DACH2: variants seen among roughly 807,000 people sequenced by gnomAD.
The protein encoded by DACH2 is dachshund family transcription factor 2.
In DACH2, 17 loss-of-function variants were observed where a neutral mutation model predicts 35.8. The ratio of observed to expected loss-of-function variants is 0.48; its 90% CI spans 0.33 to 0.71. The LOEUF is 0.71. Among genes scored for constraint, DACH2 ranks in the 30% least tolerant of loss-of-function variants. DACH2 has a pLI of 0.02. For synonymous variants in DACH2, 195 were observed against 177.3 expected (o/e 1.10, Z -0.79); for missense variants, 469 against 472.7 (o/e 0.99, Z 0.07).
intron 2 of DACH2, among the ~76,000 whole-genome samples, chrX:86,499,975 A>G (rs1295057895): frequency 1.8e-5 from 2 of 111,335 alleles, no homozygotes; most frequent in East Asian, 2.9e-4. Flanking sequence ...TGAGGTCCTC[A>G]ATGTGAAGTT....
intron 3 of DACH2, among the ~76,000 whole-genome samples, chrX:86,608,689 T>G (rs2039892106): frequency 8.9e-6 from 1 of 111,993 alleles, no homozygotes; most frequent in South Asian, 3.7e-4. Context: ...TTCTCCTTCA[T>G]GTTTAAAGAA....
intron 7 of DACH2, among the ~76,000 whole-genome samples, chrX:86,801,244 G>T (rs754349885): frequency 1.5e-4 from 16 of 108,198 alleles, no homozygotes; most frequent in African/African-American, 4.4e-4. Context: ...TGAAGAGGTG[G>T]AGTCCCACTA....
At chrX:86,238,401 A>G (rs1240218345) in intron 1 of DACH2, among the ~76,000 whole-genome samples, 1 of 112,264 alleles carries the variant, frequency 8.9e-6, no homozygotes, top group Non-Finnish European at 1.9e-5. Flanking sequence ...ATAGCACTAG[A>G]CACATGTGAT....
At chrX:86,641,277 T>G (rs2040344036) in intron 3 of DACH2, among the ~76,000 whole-genome samples, 1 of 111,954 alleles carries the variant, frequency 8.9e-6, no homozygotes, top group Middle Eastern at 4.2e-3. Flanking sequence ...CAGGCAGAGC[T>G]GAATAACACA....
At chrX:86,529,948 C>CAT (rs1261274287) in intron 3 of DACH2, among the ~76,000 whole-genome samples, 1 of 34,834 alleles carries the variant, frequency 2.9e-5, no homozygotes, top group African/African-American at 9.3e-5. Flanking sequence ...ATTGTACATA[C>CAT]ACACACACAC....
At chrX:86,679,289 C>T (rs1485335687) in intron 4 of DACH2, among the ~76,000 whole-genome samples, 2 of 111,032 alleles carry the variant, frequency 1.8e-5, no homozygotes, top group Admixed American at 9.6e-5. Context: ...ATTGTTAGGA[C>T]GGCAGAGCTT....
intron 1 of DACH2, among the ~76,000 whole-genome samples, chrX:86,178,067 A>G (rs1033409590): frequency 1.1e-4 from 12 of 111,991 alleles, no homozygotes; most frequent in African/African-American, 3.9e-4. Context: ...TGAATATTTT[A>G]TCAAGGAAGA....
At chrX:86,707,805 C>T (rs1399966580) in intron 5 of DACH2, among the ~76,000 whole-genome samples, 1 of 104,986 alleles carries the variant, frequency 9.5e-6, no homozygotes, top group African/African-American at 3.5e-5. Flanking sequence ...GTCTCAGCTA[C>T]TTGGGAGGCT....
rs190339732 is a variant in DACH2, at chrX:86,257,376, C to T, written c.488+108268C>T. On this transcript the variant is annotated intron_variant, in intron 1 of 11. Transcript: ENST00000373125. ...CCTCTTTCTTCCACTTACATCCCTT[C>T]AATTATTTCTGTCATTGGATCTAGC... is the stretch of plus-strand genomic sequence containing the variant. Among the ~76,000 whole-genome samples the T allele has an allele frequency of 2.9e-3, 320 of 112,103 alleles. 1 individual carries two copies. Among genetic ancestry groups the T allele is most frequent in the Admixed American group, 6.2e-3 (65 of 10,549 alleles).
At chrX:86,152,552 A>T (rs1019158875) in intron 1 of DACH2, among the ~76,000 whole-genome samples, 1 of 111,713 alleles carries the variant, frequency 9.0e-6, no homozygotes, top group African/African-American at 3.2e-5. Flanking sequence ...CTTCCTGGAA[A>T]ATAAGTTAAG....
At chrX:86,795,971 C>G (rs1341735305) in intron 7 of DACH2, among the ~76,000 whole-genome samples, 1 of 111,232 alleles carries the variant, frequency 9.0e-6, no homozygotes, top group East Asian at 2.8e-4. Context: ...TGAGCAGCAG[C>G]AAGATTTATT....
chrX:86,275,515 T>C (rs1321549827), intron 1 of DACH2, among the ~76,000 whole-genome samples: 2 of 111,689 alleles, frequency 1.8e-5, no homozygotes, highest in Admixed American at 9.5e-5. Flanking sequence ...GAATGAGGTG[T>C]CCATCCCCTC....
intron 2 of DACH2, among the ~76,000 whole-genome samples, chrX:86,438,944 T>G (rs1160574494): frequency 8.9e-6 from 1 of 112,027 alleles, no homozygotes; most frequent in African/African-American, 3.2e-5. Context: ...CATCTTTTAT[T>G]TTTAGTTTGT....
chrX:86,410,940 C>G (rs1159835154), intron 2 of DACH2, among the ~76,000 whole-genome samples: 1 of 100,285 alleles, frequency 1.0e-5, no homozygotes, highest in African/African-American at 3.7e-5. Context: ...TACATCTGTG[C>G]TAATCATATA....
intron 11 of DACH2, among the ~76,000 whole-genome samples, chrX:86,820,040 T>A (rs2042494135): frequency 9.0e-6 from 1 of 111,708 alleles, no homozygotes; most frequent in Non-Finnish European, 1.9e-5. Context: ...ATGAAGCTCC[T>A]ACATTTTAGA....
At chrX:86,784,929 GT>G (rs1210142613) in intron 7 of DACH2, among the ~76,000 whole-genome samples, 1 of 110,979 alleles carries the variant, frequency 9.0e-6, no homozygotes, top group Non-Finnish European at 1.9e-5. Context: ...TAAACCCTGA[GT>G]ACACAAGGAC....
At chrX:86,162,936 T>G (rs1365793918) in intron 1 of DACH2, among the ~76,000 whole-genome samples, 1 of 111,164 alleles carries the variant, frequency 9.0e-6, no homozygotes, top group Non-Finnish European at 1.9e-5. Context: ...AGTAGATGTA[T>G]GTATTTATGG....
intron 1 of DACH2, among the ~76,000 whole-genome samples, chrX:86,242,391 A>G (rs73514083): frequency 0.013 from 1,406 of 112,100 alleles, 22 homozygotes; most frequent in African/African-American, 0.043. Flanking sequence ...CATGAAGCCT[A>G]TAGCCCCTTC....
chrX:86,639,204 C>T (rs1192618978), intron 3 of DACH2, among the ~76,000 whole-genome samples: 1 of 111,465 alleles, frequency 9.0e-6, no homozygotes, highest in African/African-American at 3.3e-5. Context: ...ACAACTTGAC[C>T]CACAGAGAAT....
Sources: gnomAD v4.1 joint callset for allele counts (sites outside exome capture counted in the v4.1 genomes callset) on GRCh38, gnomAD v4.1.1 for gene constraint, MANE v1.5 for transcripts, NCBI Gene and HGNC (gene_info 2026-07-23, HGNC 2026-07-21) for gene names.